Variants in MCHR2 observed in about 807,000 individuals in gnomAD.
MCHR2 encodes melanin-concentrating hormone receptor 2.
MCHR2 carries 15 observed loss-of-function variants against 24.8 expected under a neutral mutation model. The ratio of observed to expected loss-of-function variants is 0.60; its 90% CI spans 0.40 to 0.93. The LOEUF (loss-of-function observed/expected upper bound fraction) is 0.93, where lower values mean the gene tolerates loss of function less well. Ranked by LOEUF, MCHR2 falls within the 40% of genes least tolerant of loss-of-function variation. The pLI is 0.00. For missense variants in MCHR2, 386 were observed against 408.7 expected, an observed-to-expected ratio of 0.94 and a Z score of 0.48; for synonymous variants, 151 against 147.6, an observed-to-expected ratio of 1.02 and a Z score of -0.17.
intron 1 of MCHR2, among the ~76,000 whole-genome samples, chr6:99,977,467 T>C (rs1204127413): frequency 6.6e-6 from 1 of 152,184 alleles, no homozygotes; most frequent in Admixed American, 6.5e-5. Context: ...GGAGTTTTGA[T>C]ACCATACGGA....
rs145370662 is a variant in MCHR2 at position 99,919,940 on chromosome 6, C to T, written c.*1000G>A. 6.6e-6 allele frequency: 1 copy of T among 152,148 alleles called. No homozygotes were observed. Among genetic ancestry groups the T allele is most frequent in the African/African-American group, 2.4e-5 (1 of 41,484 alleles). The allele number at this position is 152,148 out of a possible 1,614,324, so 9.4% of individuals were successfully genotyped here. Reference sequence around the variant, plus strand: ...ACAGGGTCTCACTATGTTGGCCAGACTGGTCTTGAACTTCTGACTTTGTGA... The same window carrying T: ...ACAGGGTCTCACTATGTTGGCCAGATTGGTCTTGAACTTCTGACTTTGTGA... On this transcript the variant is annotated 3_prime_UTR_variant, in exon 6 of 6. Transcript: ENST00000281806.
intron 1 of MCHR2, among the ~76,000 whole-genome samples, chr6:99,966,058 T>C (rs1775291449): frequency 6.6e-6 from 1 of 152,192 alleles, no homozygotes. Context: ...CCCAAAGCTT[T>C]GTAGCCCCAC....
chr6:99,964,817 G>A (rs573858496), intron 1 of MCHR2, among the ~76,000 whole-genome samples: 2 of 152,188 alleles, frequency 1.3e-5, no homozygotes, highest in Admixed American at 6.6e-5. Context: ...ATATAGCACT[G>A]GATGGGAACA....
intron 5 of MCHR2, among the ~76,000 whole-genome samples, chr6:99,927,458 C>A (rs1483397478): frequency 6.6e-6 from 1 of 152,132 alleles, no homozygotes; most frequent in East Asian, 1.9e-4. Context: ...TTGATTCTTC[C>A]TACCCATGAG....
At chr6:99,932,164 A>G (rs751287516) in intron 5 of MCHR2, among the ~76,000 whole-genome samples, 1 of 152,006 alleles carries the variant, frequency 6.6e-6, no homozygotes, top group South Asian at 2.1e-4. Flanking sequence ...TTTTTCCTTT[A>G]GTGTTTAAAT....
intron 1 of MCHR2, among the ~76,000 whole-genome samples, chr6:99,992,087 AG>A (rs766491915): frequency 2.0e-5 from 3 of 152,222 alleles, no homozygotes; most frequent in Non-Finnish European, 4.4e-5. Flanking sequence ...GCTGGGTTGA[AG>A]GAAGAGGAGT....
intron 3 of MCHR2, among the ~76,000 whole-genome samples, chr6:99,945,240 A>C (rs185429162): frequency 1.2e-4 from 18 of 152,288 alleles, no homozygotes; most frequent in East Asian, 5.8e-4. Context: ...TGTGTCCAAC[A>C]ATCTCTGGCA....
At chr6:99,970,988 G>A (rs971703143) in intron 1 of MCHR2, among the ~76,000 whole-genome samples, 5 of 152,192 alleles carry the variant, frequency 3.3e-5, no homozygotes, top group Middle Eastern at 3.2e-3. Flanking sequence ...TTTGAAGTCA[G>A]GTAGCATGAT....
chr6:99,950,828 C>G (rs193108674), intron 2 of MCHR2, among the ~76,000 whole-genome samples: 2 of 152,226 alleles, frequency 1.3e-5, no homozygotes, highest in East Asian at 3.9e-4. Flanking sequence ...CTTTTGCCAT[C>G]AGAAATAACA....
intron 4 of MCHR2, among the ~76,000 whole-genome samples, chr6:99,939,708 GTT>G (rs1554193875): frequency 1.4e-5 from 2 of 142,790 alleles, no homozygotes; most frequent in Admixed American, 7.1e-5. Flanking sequence ...GCACATTAGT[GTT>G]TTTTTTTTTT....
intron 1 of MCHR2, among the ~76,000 whole-genome samples, chr6:99,967,546 GA>G (rs778926501): frequency 4.3e-4 from 65 of 152,222 alleles, no homozygotes; most frequent in African/African-American, 1.3e-3. Context: ...AAATAGTCAT[GA>G]TGATGAGATT....
Position 99,956,167 on chromosome 6 carries a change from G to A in MCHR2, c.-20C>T. The A allele has an allele frequency of 1.3e-6, 2 of 1,590,140 alleles. No homozygotes were observed. Among genetic ancestry groups the A allele is most frequent in the Non-Finnish European group, 1.7e-6 (2 of 1,165,952 alleles). On this transcript the variant is annotated 5_prime_UTR_variant, in exon 2 of 6. Coordinates refer to ENST00000281806, the MANE Select transcript of MCHR2 (RefSeq NM_001040179.2). ...ATTCATTGTTCGTGGACTTTCCAGG[G>A]ATTAAAGCTGTGAAGTAATAGGAAG...
At chr6:99,967,139 G>A (rs931331993) in intron 1 of MCHR2, among the ~76,000 whole-genome samples, 4 of 150,290 alleles carry the variant, frequency 2.7e-5, no homozygotes, top group African/African-American at 7.3e-5. Context: ...TAAGTCTTTT[G>A]GTAGCAAGAT....
At chr6:99,934,359 A>C (rs202008271) in intron 5 of MCHR2, 39 bp downstream of exon 5, 16 of 1,518,820 alleles carry the variant, frequency 1.1e-5, no homozygotes, top group Non-Finnish European at 1.3e-5. Flanking sequence ...AGGCTATCTA[A>C]ATTGTTCTTT....
intron 1 of MCHR2, among the ~76,000 whole-genome samples, chr6:99,977,360 G>C (rs541641164): frequency 6.6e-6 from 1 of 152,234 alleles, no homozygotes; most frequent in East Asian, 1.9e-4. Flanking sequence ...TTTCACTAGA[G>C]AAGTTTTCAC....
intron 1 of MCHR2, among the ~76,000 whole-genome samples, chr6:99,970,860 T>A (rs201720407): frequency 1.3e-5 from 2 of 152,222 alleles, no homozygotes; most frequent in Non-Finnish European, 2.9e-5. Context: ...TTGTCAAAAA[T>A]CAGATGGTTG....
At chr6:99,960,317 C>T (rs1465965239) in intron 1 of MCHR2, among the ~76,000 whole-genome samples, 2 of 152,066 alleles carry the variant, frequency 1.3e-5, no homozygotes, top group Non-Finnish European at 2.9e-5. Flanking sequence ...AACCACTGCT[C>T]AACGAAATAA....
chr6:99,935,143 T>C (rs1487515144), intron 4 of MCHR2, among the ~76,000 whole-genome samples: 4 of 152,090 alleles, frequency 2.6e-5, no homozygotes, highest in Non-Finnish European at 4.4e-5. Context: ...ATTCATATAA[T>C]TTGTAAAAAT....
Position 99,920,903 on chromosome 6 carries a change from C to A in MCHR2, c.*37G>T, listed in dbSNP as rs745912518. ...TTTCTGATAATACCAGTAAGATAGA[C>A]AATCATGTCTAGACTCATGGTGATC... On this transcript the variant is annotated 3_prime_UTR_variant, in exon 6 of 6. Transcript: ENST00000281806. 5.0e-6 allele frequency: 8 copies of A among 1,584,970 alleles called. No individual in the cohort carries two copies. The highest frequency in any genetic ancestry group is 6.9e-6 in the Non-Finnish European group (8 of 1,160,842).
Sources: gnomAD v4.1 joint callset for allele counts (sites outside exome capture counted in the v4.1 genomes callset) on GRCh38, gnomAD v4.1.1 for gene constraint, MANE v1.5 for transcripts, NCBI Gene and HGNC (gene_info 2026-07-23, HGNC 2026-07-21) for gene names.